PC: variants seen among roughly 807,000 people sequenced by gnomAD.
PC encodes pyruvate carboxylase, mitochondrial.
A neutral mutation model predicts 107.8 loss-of-function variants in PC; 46 were observed. That is an observed-to-expected ratio of 0.43 (90% CI 0.34 to 0.55). The LOEUF is 0.55. Ranked by LOEUF, PC falls within the 20% of genes least tolerant of loss-of-function variation. The probability of loss-of-function intolerance (pLI) is 0.04; values close to 1 mark genes in which losing one functional copy is unlikely to be tolerated. For missense variants in PC, 1,241 were observed against 1,643.1 expected (o/e 0.76, Z 4.23); for synonymous variants, 662 against 684.7 (o/e 0.97, Z 0.52).
chr11:66,873,225 A>C (rs1346617788), intron 3 of PC, among the ~76,000 whole-genome samples: 1 of 146,538 alleles, frequency 6.8e-6, no homozygotes, highest in East Asian at 2.0e-4. Flanking sequence ...CTGTAATCCC[A>C]GCTACTTGGG....
At chr11:66,879,416 A>C (rs2135975758) in intron 3 of PC, among the ~76,000 whole-genome samples, 1 of 152,280 alleles carries the variant, frequency 6.6e-6, no homozygotes, top group South Asian at 2.1e-4. Context: ...ACCCCAAACA[A>C]AAGTAGTTGG....
At chr11:66,919,143 C>T (rs983992145) in intron 3 of PC, among the ~76,000 whole-genome samples, 1 of 152,146 alleles carries the variant, frequency 6.6e-6, no homozygotes, top group Admixed American at 6.6e-5. Flanking sequence ...AAGCCAGGTG[C>T]GGTGGCTCAG....
chr11:66,849,410 G>A lies in PC; in HGVS notation c.3148-40C>T, dbSNP rs367795372. On this transcript the variant is annotated intron_variant, in intron 21 of 22. Transcript: ENST00000393960. ...TGCAGACTCAGAGCTGGACGCCAAG[G>A]TGGGAGAGCAGTCCCCCGGCCCTGG... is the stretch of plus-strand genomic sequence containing the variant. 1,100 of 1,610,724 alleles carry A rather than the reference G, an allele frequency of 6.8e-4. 4 individuals carry two copies. The highest frequency in any genetic ancestry group is 6.3e-3 in the Middle Eastern group (31 of 4,948).
rs766051955 is a variant in PC at position 66,870,851 on chromosome 11, C to G, written c.675G>C (p.Leu225=). The G allele has an allele frequency of 6.2e-7, 1 of 1,613,694 alleles. No homozygotes were observed. The highest frequency in any genetic ancestry group is 2.2e-5 in the East Asian group (1 of 44,872). The change falls in exon 8 of 23, where the codon CTG becomes CTC. Residue 225 remains leucine, a synonymous_variant. Transcript: ENST00000393960. The surrounding 1 kb of genome is among the most constrained non-coding windows in gnomAD (Gnocchi z 6.1). ...ACAGCGCCCCATTCCCAAAGGCGGC[C>G]AGAGCCTCTGAGTAGGCCCGGGTGT... The part of the protein sequence containing the change: ...ENYTRAYSEA[L]AAFGNGALFV...
At chr11:66,886,347 A>C (rs1394645376) in intron 3 of PC, among the ~76,000 whole-genome samples, 1 of 152,054 alleles carries the variant, frequency 6.6e-6, no homozygotes, top group Non-Finnish European at 1.5e-5. Context: ...GCTGAGCCTG[A>C]GACTCAGTCC....
intron 3 of PC, among the ~76,000 whole-genome samples, chr11:66,897,431 A>G (rs1390431970): frequency 6.6e-6 from 1 of 152,008 alleles, no homozygotes; most frequent in Non-Finnish European, 1.5e-5. Flanking sequence ...AATTATCTGG[A>G]TGTGGTGGCA....
At chr11:66,900,369 A>G (rs371652089) in intron 3 of PC, among the ~76,000 whole-genome samples, 19 of 151,834 alleles carry the variant, frequency 1.3e-4, no homozygotes, top group South Asian at 4.2e-4. Flanking sequence ...TAGAGATGTT[A>G]GCCAGGATGG....
intron 3 of PC, among the ~76,000 whole-genome samples, chr11:66,934,006 A>T (rs1948930057): frequency 6.6e-6 from 1 of 152,180 alleles, no homozygotes; most frequent in Non-Finnish European, 1.5e-5. Flanking sequence ...TTCCACAGTG[A>T]TCAATGCAGG....
chr11:66,851,406 G>A (rs1371744249), intron 16 of PC, 126 bp from the exon 17 acceptor site: 3 of 1,410,966 alleles, frequency 2.1e-6, no homozygotes, highest in Non-Finnish European at 2.9e-6. Flanking sequence ...GCCTGGCAGG[G>A]GGTGTGGCAT....
intron 3 of PC, among the ~76,000 whole-genome samples, chr11:66,936,550 TCTG>T (rs906272119): frequency 1.1e-4 from 17 of 152,202 alleles, no homozygotes; most frequent in African/African-American, 4.1e-4. Flanking sequence ...GTAATTCCAT[TCTG>T]CTATCTCCAA....
chr11:66,863,713 A>T (rs1374835830), intron 12 of PC, 61 bp downstream of exon 12: 1 of 1,535,810 alleles, frequency 6.5e-7, no homozygotes, highest in Non-Finnish European at 8.8e-7. Context: ...TGGGGAAGTG[A>T]ACGGTCAGGG....
intron 3 of PC, among the ~76,000 whole-genome samples, chr11:66,916,654 A>G (rs1404881448): frequency 6.6e-6 from 1 of 152,142 alleles, no homozygotes; most frequent in East Asian, 1.9e-4. Context: ...AGAAAGTACA[A>G]AAGATTTGGG....
At position 66,850,806 on chromosome 11, in the gene PC, CCA is replaced by C; in HGVS notation, c.2339_2340del (p.Val780GlyfsTer12). The part of the protein sequence containing the change: ...IHTHDTSGAG[V>X]AAMLACAQAG... ...GCCTGGGCACAGGCCAGCATGGCTG[CCA>C]CGCCTGCCCCTGACGTGTCGTGGGT... On this transcript the variant is annotated frameshift_variant, in exon 18 of 23. Transcript: ENST00000393960. LOFTEE classifies it high-confidence loss of function. 1.2e-6 allele frequency: 2 copies of C among 1,611,798 alleles called. No individual in the cohort carries two copies. The highest frequency in any genetic ancestry group is 1.7e-6 in the Non-Finnish European group (2 of 1,180,024).
At chr11:66,890,884 G>A (rs1004940040) in intron 3 of PC, among the ~76,000 whole-genome samples, 2 of 152,018 alleles carry the variant, frequency 1.3e-5, no homozygotes, top group Non-Finnish European at 2.9e-5. Flanking sequence ...TGGGCGACAG[G>A]TACATAGAGT....
Position 66,871,378 on chromosome 11 carries a change from T to G in PC, c.424A>C (p.Ser142Arg). Residue 142 changes from serine (S) to arginine (R), a missense_variant, in exon 6 of 23, where the codon AGC becomes CGC. By Grantham distance (110) the Ser-to-Arg change is moderately radical (BLOSUM62 -1). Around this residue, in one of 2 missense-constraint regions of PC, gnomAD observed 1,143 missense variants for 1,551.9 expected, o/e 0.74. Transcript: ENST00000393960. The surrounding 1 kb of genome is among the most constrained non-coding windows in gnomAD (Gnocchi z 7.4). ...CCCATCTTGCGGACCACTTCTGGGC[T>G]TGGCCCAATAAACCGGACCCCTGCA... ...QDAGVRFIGP[S>R]PEVVRKMGDK... is the part of the protein sequence containing the mutation. The G allele has an allele frequency of 6.2e-7, 1 of 1,613,834 alleles. No individual in the cohort carries two copies. The highest frequency in any genetic ancestry group is 1.7e-5 in the Admixed American group (1 of 60,034).
At chr11:66,859,889 T>C (rs376476016) in intron 12 of PC, 4 of 1,572,176 alleles carry the variant, frequency 2.5e-6, no homozygotes, top group Non-Finnish European at 2.6e-6. Flanking sequence ...TGGTCTTCAC[T>C]GTGGCCTTGC....
Position 66,858,227 on chromosome 11 carries a change from C to G in PC, c.1369-4844G>C, listed in dbSNP as rs561777512. On this transcript the variant is annotated intron_variant, in intron 12 of 22. Transcript: ENST00000393960. The surrounding 1 kb of genome is among the most constrained non-coding windows in gnomAD (Gnocchi z 5.9). ...CCTACAACAACCTCCGGCAGGTGCC[C>G]TGGGCCGGCATCGGCGCCATGCCTG... 2 of 1,612,526 alleles carry G rather than the reference C, an allele frequency of 1.2e-6. No individual in the cohort carries two copies. The highest frequency in any genetic ancestry group is 1.7e-6 in the Non-Finnish European group (2 of 1,179,914).
chr11:66,886,297 C>T (rs779786285), intron 3 of PC, among the ~76,000 whole-genome samples: 5 of 152,078 alleles, frequency 3.3e-5, no homozygotes, highest in Admixed American at 6.6e-5. Context: ...TGGCGTGGCC[C>T]GCTGAGGCAG....
chr11:66,943,755 C>CAAAAAAAAAAAAAAAAAAA (rs34245785), intron 3 of PC, among the ~76,000 whole-genome samples: 1 of 17,580 alleles, frequency 5.7e-5, no homozygotes, highest in Non-Finnish European at 9.5e-5. Flanking sequence ...GACTCCGGCT[C>CAAAAAAAAAAAAAAAAAAA]AAAAAAAAAA....
Sources: allele counts gnomAD v4.1 joint callset (sites outside exome capture counted in the v4.1 genomes callset), GRCh38; gene constraint gnomAD v4.1.1; regional missense constraint gnomAD v4.1.1; non-coding constraint Gnocchi (gnomAD v3.1); transcripts MANE v1.5; gene names NCBI Gene and HGNC (gene_info 2026-07-23, HGNC 2026-07-21).